The following QRICH1 variants were observed in gnomAD, a reference collection of about 807,000 sequenced individuals.
QRICH1 encodes transcriptional regulator QRICH1.
In QRICH1, 16 loss-of-function variants were observed where a neutral mutation model predicts 87.1. The observed-to-expected ratio is 0.18, with a 90% CI of 0.12 to 0.28. QRICH1 has a LOEUF of 0.28. QRICH1 is among the 10% of genes least tolerant of loss of function. QRICH1 has a pLI of 1.00. For synonymous variants in QRICH1, 367 were observed against 368.4 expected, an observed-to-expected ratio of 1.00 and a Z score of 0.05; for missense variants, 647 against 951.7, an observed-to-expected ratio of 0.68 and a Z score of 4.21.
chr3:49,033,047 C>A, intron 7 of QRICH1, 73 bp downstream of exon 7: 1 of 1,193,244 alleles, frequency 8.4e-7, no homozygotes, highest in South Asian at 1.7e-5. Context: ...CAGAGGAATT[C>A]AGAAGGCCTC....
At chr3:49,081,797 G>A (rs2042066272) in intron 1 of QRICH1, among the ~76,000 whole-genome samples, 1 of 151,550 alleles carries the variant, frequency 6.6e-6, no homozygotes, top group Non-Finnish European at 1.5e-5. Flanking sequence ...CACCATGCCT[G>A]GCCGAAGCCT....
upstream of QRICH1, chr3:49,094,148 A>G (rs1234624048): frequency 2.5e-6 from 1 of 397,044 alleles, no homozygotes; most frequent in Non-Finnish European, 4.4e-6. Flanking sequence ...GGCCAAAATT[A>G]AAGTGAACGC....
chr3:49,037,727 G>C (rs983570157), intron 6 of QRICH1, among the ~76,000 whole-genome samples: 8 of 149,768 alleles, frequency 5.3e-5, no homozygotes, highest in African/African-American at 9.8e-5. Context: ...GAGAGACTCT[G>C]TATCCAAAAA....
Position 49,030,376 on chromosome 3 carries a change from T to G in QRICH1, c.*76A>C. The G allele has an allele frequency of 7.4e-7, 1 of 1,344,668 alleles. No individual in the cohort carries two copies. Among genetic ancestry groups the G allele is most frequent in the Non-Finnish European group, 1.0e-6 (1 of 979,764 alleles). 83.3% of individuals were successfully genotyped at this position (1,344,668 alleles called of 1,614,324 possible). ...CCAATAAAAAAAAGAAAAAAAAAAA[T>G]GGAGGCCTCTTCTTTAGTGTGAAAG... On this transcript the variant is annotated 3_prime_UTR_variant, in exon 10 of 10. Transcript: ENST00000395443.
intron 2 of QRICH1, among the ~76,000 whole-genome samples, chr3:49,060,478 C>A (rs2093428450): frequency 6.6e-6 from 1 of 152,198 alleles, no homozygotes; most frequent in Non-Finnish European, 1.5e-5. Flanking sequence ...CAGGTGTGAG[C>A]CACCACACCC....
intron 2 of QRICH1, among the ~76,000 whole-genome samples, chr3:49,061,058 C>A (rs1417609242): frequency 6.9e-6 from 1 of 144,762 alleles, no homozygotes; most frequent in African/African-American, 2.6e-5. Flanking sequence ...TAGCTTGAAC[C>A]CAGGAGGCGG....
At chr3:49,034,790 C>CTTT (rs2093264718) in intron 6 of QRICH1, among the ~76,000 whole-genome samples, 1 of 152,196 alleles carries the variant, frequency 6.6e-6, no homozygotes, top group Admixed American at 6.5e-5. Context: ...TACCAAGCCC[C>CTTT]TTCATGTGCT....
At position 49,036,914 on chromosome 3, in the gene QRICH1, T is replaced by C. The variant is rs112864873; in HGVS notation, c.1787-3686A>G. Among the ~76,000 whole-genome samples the C allele has an allele frequency of 2.0e-5, 3 of 151,410 alleles. 1 individual carries two copies. The highest frequency in any genetic ancestry group is 7.3e-5 in the African/African-American group (3 of 41,268). On this transcript the variant is annotated intron_variant, in intron 6 of 9. Transcript: ENST00000395443. Reference sequence around the variant, plus strand: ...CCCATCTCTACAAAAAATACAAAAATTAAACAAGCATGATGGCATGTGCCT... The same window carrying C: ...CCCATCTCTACAAAAAATACAAAAACTAAACAAGCATGATGGCATGTGCCT...
Position 49,046,935 on chromosome 3 carries a change from A to G in QRICH1, c.1516+134T>C, listed in dbSNP as rs997563248. 4 of 1,087,600 alleles carry G rather than the reference A, an allele frequency of 3.7e-6. No homozygotes were observed. In the African/African-American group the frequency reaches 6.3e-5, roughly 17 times the overall value. The allele number at this position is 1,087,600 out of a possible 1,614,324, so 67.4% of individuals were successfully genotyped here. The stretch of plus-strand genomic sequence containing the variant: ...CAGTACTGCTTGTTACTAGGCTTGA[A>G]TTCAACATACTATTACAGATGTTGC... On this transcript the variant is annotated intron_variant, in intron 4 of 9. Coordinates refer to ENST00000395443, the MANE Select transcript of QRICH1 (RefSeq NM_198880.3).
At chr3:49,084,770 G>T (rs1287734189) in intron 1 of QRICH1, among the ~76,000 whole-genome samples, 1 of 151,492 alleles carries the variant, frequency 6.6e-6, no homozygotes, top group Non-Finnish European at 1.5e-5. Context: ...CTCAAAAAAT[G>T]ATAAAAAGGA....
At position 49,047,230 on chromosome 3, in the gene QRICH1, A is replaced by T; in HGVS notation, c.1355T>A (p.Val452Asp). 1 of 1,614,062 alleles carries T rather than the reference A, an allele frequency of 6.2e-7. No individual in the cohort carries two copies. The highest frequency in any genetic ancestry group is 8.5e-7 in the Non-Finnish European group (1 of 1,179,936). Residue 452 changes from valine to aspartate, a missense_variant, in exon 4 of 10, where the codon GTT becomes GAT. Physicochemically the swap from Val to Asp is radical, Grantham distance 152. Coordinates refer to ENST00000395443, the MANE Select transcript of QRICH1 (RefSeq NM_198880.3). The part of the protein sequence containing the change: ...QVTCSAQTVQ[V>D]AEVEPQSQPQ... Reference sequence around the variant, plus strand: ...CTGTGACTGTGGTTCAACTTCAGCAACCTGGACAGTTTGAGCCTATAGGAG... The same window carrying T: ...CTGTGACTGTGGTTCAACTTCAGCATCCTGGACAGTTTGAGCCTATAGGAG...
chr3:49,094,201 A>T (rs1374979239), upstream of QRICH1: 1 of 389,696 alleles, frequency 2.6e-6, no homozygotes, highest in Non-Finnish European at 4.5e-6. Context: ...GCTAGAGCGG[A>T]TAGTGGATCC....
chr3:49,093,830 C>T, intron 1 of QRICH1, 82 bp downstream of exon 1: 1 of 270,082 alleles, frequency 3.7e-6, no homozygotes, highest in Admixed American at 5.3e-5. Flanking sequence ...GCCCGCCCGC[C>T]CCCGCCCGCC....
chr3:49,063,710 G>A lies in QRICH1; in HGVS notation c.310-5820C>T, dbSNP rs74650204. Among the ~76,000 whole-genome samples, 114 of 152,262 alleles carry A rather than the reference G, an allele frequency of 7.5e-4. 2 individuals carry two copies. In the East Asian group the frequency reaches 0.021, roughly 28 times the overall value. On this transcript the variant is annotated intron_variant, in intron 2 of 9. Transcript: ENST00000395443. ...AGGCTGAGGAAGGAAGACTACTTGA[G>A]CCCAGGAGATTGAGGCTGCAGTGAA...
At chr3:49,061,573 C>T (rs2093435213) in intron 2 of QRICH1, among the ~76,000 whole-genome samples, 4 of 152,158 alleles carry the variant, frequency 2.6e-5, no homozygotes. Flanking sequence ...GAAAATGAGG[C>T]CAGGCACAGT....
chr3:49,034,691 C>T (rs2093264045), intron 6 of QRICH1, among the ~76,000 whole-genome samples: 1 of 152,132 alleles, frequency 6.6e-6, no homozygotes, highest in South Asian at 2.1e-4. Flanking sequence ...ATAAGTGAGC[C>T]CAGAGCTAGG....
At chr3:49,093,306 C>G (rs913407814) in intron 1 of QRICH1, 21 of 152,208 alleles carry the variant, frequency 1.4e-4, no homozygotes, top group Non-Finnish European at 2.4e-4. Flanking sequence ...TCTCGCCCCC[C>G]TCACAGAGGA....
chr3:49,031,154 T>A (rs2093235910), intron 9 of QRICH1, among the ~76,000 whole-genome samples: 1 of 152,010 alleles, frequency 6.6e-6, no homozygotes, highest in Non-Finnish European at 1.5e-5. Flanking sequence ...GCCCAGCTAA[T>A]TTTTGTATTT....
At chr3:49,090,661 A>C in intron 1 of QRICH1, among the ~76,000 whole-genome samples, 1 of 151,412 alleles carries the variant, frequency 6.6e-6, no homozygotes, top group East Asian at 1.9e-4. Flanking sequence ...AGAGAAAAAG[A>C]GAAAAATATT....
Sources: allele counts gnomAD v4.1 joint callset (sites outside exome capture counted in the v4.1 genomes callset), GRCh38; gene constraint gnomAD v4.1.1; transcripts MANE v1.5; gene names NCBI Gene and HGNC (gene_info 2026-07-23, HGNC 2026-07-21).